Variants in GTF2IRD1 observed in about 807,000 individuals in gnomAD.
GTF2IRD1 encodes GTF2I repeat domain containing 1, also known as general transcription factor II-I repeat domain-containing protein 1.
A neutral mutation model predicts 113.2 loss-of-function variants in GTF2IRD1; 26 were observed. The ratio of observed to expected loss-of-function variants is 0.23; its 90% CI spans 0.17 to 0.32. GTF2IRD1 has a LOEUF of 0.32. Ranked by LOEUF, GTF2IRD1 falls within the 10% of genes least tolerant of loss-of-function variation. The probability of loss-of-function intolerance (pLI) is 1.00; values close to 1 mark genes in which losing one functional copy is unlikely to be tolerated. For synonymous variants in GTF2IRD1, 484 were observed against 529.1 expected, an observed-to-expected ratio of 0.91 and a Z score of 1.17; for missense variants, 864 against 1,280.8, an observed-to-expected ratio of 0.67 and a Z score of 4.97.
rs1458693645 is a variant in GTF2IRD1, at chr7:74,515,430, G to A, written c.266-11G>A. The A allele has an allele frequency of 6.4e-7, 1 of 1,573,358 alleles. No individual in the cohort carries two copies. The highest frequency in any genetic ancestry group is 8.6e-7 in the Non-Finnish European group (1 of 1,157,548). ...TGCTCACTGTGGCCTCGCGTGCTCTGTGTCCCACAGGAGGGCCCCCGTGGA... is the reference window on the plus strand; with the variant it reads ...TGCTCACTGTGGCCTCGCGTGCTCTATGTCCCACAGGAGGGCCCCCGTGGA... On this transcript the variant is annotated splice_polypyrimidine_tract_variant and intron_variant, in intron 3 of 26. Coordinates refer to ENST00000424337, the MANE Select transcript of GTF2IRD1 (RefSeq NM_005685.4).
chr7:74,528,943 GTGGA>G (rs782015964), intron 8 of GTF2IRD1, among the ~76,000 whole-genome samples: 11,150 of 133,786 alleles, frequency 0.083, 1,439 homozygotes, highest in African/African-American at 0.28. Context: ...GGGTGGATGG[GTGGA>G]TGGATGGATG....
chr7:74,492,455 C>T (rs1329446421), intron 1 of GTF2IRD1, among the ~76,000 whole-genome samples: 1 of 152,122 alleles, frequency 6.6e-6, no homozygotes, highest in Non-Finnish European at 1.5e-5. Flanking sequence ...CTGGTGTGAG[C>T]CACCACGCCT....
chr7:74,492,311 C>T (rs191447129), intron 1 of GTF2IRD1, among the ~76,000 whole-genome samples: 54 of 152,150 alleles, frequency 3.5e-4, no homozygotes, highest in African/African-American at 1.1e-3. Context: ...GCTGGGACTA[C>T]AGGTGCCTGC....
chr7:74,576,199 C>T (rs587720184), intron 22 of GTF2IRD1, among the ~76,000 whole-genome samples: 101 of 151,980 alleles, frequency 6.6e-4, no homozygotes, highest in Non-Finnish European at 7.4e-4. Context: ...TGGCTTCAAA[C>T]AACACAAATT....
chr7:74,534,925 C>T (rs775025511), intron 9 of GTF2IRD1, among the ~76,000 whole-genome samples, 188 bp from the exon 10 acceptor site: 6 of 152,172 alleles, frequency 3.9e-5, no homozygotes, highest in East Asian at 3.9e-4. Flanking sequence ...TAAAAATAAA[C>T]GGTTTGGGAT....
intron 14 of GTF2IRD1, among the ~76,000 whole-genome samples, chr7:74,543,626 G>A (rs1554352357): frequency 6.6e-6 from 1 of 152,144 alleles, no homozygotes; most frequent in Non-Finnish European, 1.5e-5. Flanking sequence ...TTGAGCAGGT[G>A]CAGTGGCTCA....
chr7:74,595,389 G>C (rs1314526615), intron 25 of GTF2IRD1, among the ~76,000 whole-genome samples: 17 of 148,696 alleles, frequency 1.1e-4, no homozygotes, highest in Non-Finnish European at 2.1e-4. Flanking sequence ...CTGGGTGACA[G>C]AGCAAGACTC....
At position 74,497,586 on chromosome 7, in the gene GTF2IRD1, G is replaced by A. The variant is rs566631310; in HGVS notation, c.-6-10489G>A. 2.4e-4 allele frequency among the ~76,000 whole-genome samples: 36 copies of A among 151,750 alleles called. 1 individual carries two copies. In the South Asian group the frequency reaches 6.9e-3, roughly 29 times the overall value. On this transcript the variant is annotated intron_variant, in intron 1 of 26. Coordinates refer to ENST00000424337, the MANE Select transcript of GTF2IRD1 (RefSeq NM_005685.4). ...CCTATTTTTAATTTTTTGAGGAACC[G>A]CCATGCTGTTTTCCACAGTGCCTGT...
At chr7:74,532,532 C>T (rs750330875) in intron 9 of GTF2IRD1, among the ~76,000 whole-genome samples, 14 of 152,248 alleles carry the variant, frequency 9.2e-5, no homozygotes, top group South Asian at 2.1e-4. Flanking sequence ...CCAGCCTGGG[C>T]GACAGAGCCA....
chr7:74,491,311 C>CTTTTTTT (rs1178298791), intron 1 of GTF2IRD1, among the ~76,000 whole-genome samples: 3 of 95,678 alleles, frequency 3.1e-5, no homozygotes, highest in Admixed American at 1.1e-4. Flanking sequence ...AAAAAAAATT[C>CTTTTTTT]TTTTTTTTTT....
Position 74,580,760 on chromosome 7 carries a change from G to A in GTF2IRD1, c.2321-9091G>A, listed in dbSNP as rs1554365874. 9.2e-5 allele frequency among the ~76,000 whole-genome samples: 14 copies of A among 152,136 alleles called. 1 individual carries two copies. Among genetic ancestry groups the A allele is most frequent in the Non-Finnish European group, 1.5e-5 (1 of 68,022 alleles). ...TCCACCAAAGGTGTCACTGTCCAGG[G>A]GCAGTGGGCAGGAGGTCGCTGCTGC... On this transcript the variant is annotated intron_variant, in intron 22 of 26. Transcript: ENST00000424337.
At chr7:74,579,807 T>C (rs1801304573) in intron 22 of GTF2IRD1, among the ~76,000 whole-genome samples, 1 of 151,978 alleles carries the variant, frequency 6.6e-6, no homozygotes, top group Admixed American at 6.6e-5. Flanking sequence ...TTTTTTTAAA[T>C]CATGAGTTTT....
chr7:74,549,428 T>C (rs1195112367), intron 17 of GTF2IRD1, among the ~76,000 whole-genome samples: 19 of 152,134 alleles, frequency 1.2e-4, no homozygotes, highest in African/African-American at 4.6e-4. Flanking sequence ...TCATTTTTCA[T>C]ACAGTGGCGA....
At chr7:74,454,658 T>TCCAGC (rs1486514903) in intron 1 of GTF2IRD1, among the ~76,000 whole-genome samples, 1 of 151,844 alleles carries the variant, frequency 6.6e-6, no homozygotes. Flanking sequence ...CGGAGTCCAG[T>TCCAGC]CCAGCCAGGA....
intron 9 of GTF2IRD1, among the ~76,000 whole-genome samples, chr7:74,532,540 C>A (rs587746385): frequency 4.6e-5 from 7 of 152,248 alleles, no homozygotes; most frequent in African/African-American, 1.7e-4. Context: ...GGCGACAGAG[C>A]CAGACCCTAT....
intron 1 of GTF2IRD1, among the ~76,000 whole-genome samples, chr7:74,503,211 C>T (rs546240202): frequency 3.1e-4 from 47 of 151,672 alleles, no homozygotes; most frequent in African/African-American, 9.2e-4. Flanking sequence ...GCCCAGGGAG[C>T]GGTCACCTCT....
intron 1 of GTF2IRD1, among the ~76,000 whole-genome samples, chr7:74,482,552 A>C (rs1314912892): frequency 6.6e-6 from 1 of 152,066 alleles, no homozygotes; most frequent in Non-Finnish European, 1.5e-5. Flanking sequence ...CATTGAGAAC[A>C]AAGTTATTTG....
intron 2 of GTF2IRD1, among the ~76,000 whole-genome samples, chr7:74,508,690 TAAAAA>T (rs35760074): frequency 2.3e-5 from 3 of 132,076 alleles, no homozygotes; most frequent in Non-Finnish European, 4.9e-5. Flanking sequence ...GACTCCGTCT[TAAAAA>T]AAAAAAAAAA....
At chr7:74,535,574 A>C (rs587694729) in intron 10 of GTF2IRD1, among the ~76,000 whole-genome samples, 44 of 152,316 alleles carry the variant, frequency 2.9e-4, no homozygotes, top group African/African-American at 9.9e-4. Context: ...GTGACTCCAG[A>C]GCCCATGCAG....
Sources: allele counts gnomAD v4.1 joint callset (sites outside exome capture counted in the v4.1 genomes callset), GRCh38; gene constraint gnomAD v4.1.1; transcripts MANE v1.5; gene names NCBI Gene and HGNC (gene_info 2026-07-23, HGNC 2026-07-21).